The following MARCHF1 variants were observed in gnomAD, a reference collection of about 807,000 sequenced individuals.
MARCHF1 encodes the protein membrane associated ring-CH-type finger 1.
Under a neutral mutation model 54.2 loss-of-function variants are expected in MARCHF1, and 40 were observed. The observed-to-expected ratio is 0.74, with a 90% CI of 0.57 to 0.96. The LOEUF (loss-of-function observed/expected upper bound fraction) is 0.96. MARCHF1 is among the 40% of genes least tolerant of loss of function. MARCHF1 has a pLI of 0.00. For missense variants in MARCHF1, 586 were observed against 656.5 expected (o/e 0.89, Z 1.17); for synonymous variants, 236 against 236.3 (o/e 1.00, Z 0.01).
At chr4:163,778,638 G>A (rs897044374) in intron 4 of MARCHF1, among the ~76,000 whole-genome samples, 1 of 151,918 alleles carries the variant, frequency 6.6e-6, no homozygotes. Context: ...AGACAATGTG[G>A]TATATATAGA....
intron 4 of MARCHF1, among the ~76,000 whole-genome samples, chr4:163,765,950 T>C (rs13124266): frequency 6.7e-6 from 1 of 148,184 alleles, no homozygotes; most frequent in Non-Finnish European, 1.5e-5. Flanking sequence ...ATATATAATA[T>C]ATAGTGTTCA....
intron 5 of MARCHF1, among the ~76,000 whole-genome samples, chr4:163,618,607 G>A (rs1267578448): frequency 6.6e-6 from 1 of 152,088 alleles, no homozygotes; most frequent in African/African-American, 2.4e-5. Flanking sequence ...TGCTAAAATA[G>A]CATCAAAATT....
intron 8 of MARCHF1, among the ~76,000 whole-genome samples, chr4:163,552,988 G>A (rs907470023): frequency 3.4e-5 from 5 of 146,862 alleles, no homozygotes; most frequent in Admixed American, 7.2e-5. Flanking sequence ...AGCCGAGATC[G>A]CGCCACTGCC....
intron 1 of MARCHF1, among the ~76,000 whole-genome samples, chr4:164,257,458 G>A (rs1052685754): frequency 1.3e-5 from 2 of 149,796 alleles, no homozygotes; most frequent in Non-Finnish European, 3.0e-5. Flanking sequence ...TAAATCGTCA[G>A]TTTTGTTTCA....
chr4:164,326,661 A>C (rs1169393370), intron 1 of MARCHF1, among the ~76,000 whole-genome samples: 1 of 152,214 alleles, frequency 6.6e-6, no homozygotes, highest in East Asian at 1.9e-4. Flanking sequence ...GACAAATTCA[A>C]AGTGCTGTTT....
rs1438246621 is a variant in MARCHF1 at position 163,700,852 on chromosome 4, G to A, written c.123C>T (p.Ser41=). ...TTGATCGACTTGCAGATCGCCCTGGGGATTTTTCATTCTGAAAAATAAAAT... is the reference window on the plus strand; with the variant it reads ...TTGATCGACTTGCAGATCGCCCTGGAGATTTTTCATTCTGAAAAATAAAAT... ...ASQTSTLNEK[S]PGRSASRSSN... Residue 41 remains serine, a synonymous_variant, in exon 5 of 10, where the codon TCC becomes TCT. Transcript: ENST00000514618. 5 of 1,535,410 alleles carry A rather than the reference G, an allele frequency of 3.3e-6. No individual in the cohort carries two copies. The African/African-American group carries it at 5.5e-5, about 17-fold the overall frequency.
At chr4:164,063,341 T>C (rs528270124) in intron 2 of MARCHF1, among the ~76,000 whole-genome samples, 15 of 152,324 alleles carry the variant, frequency 9.8e-5, no homozygotes, top group Non-Finnish European at 1.9e-4. Flanking sequence ...TAAATATCTG[T>C]TGTTTAGTGT....
intron 2 of MARCHF1, among the ~76,000 whole-genome samples, chr4:164,017,265 T>C (rs1340624622): frequency 6.6e-6 from 1 of 152,070 alleles, no homozygotes; most frequent in Non-Finnish European, 1.5e-5. Flanking sequence ...ATTAGGAATG[T>C]TCAATCACAT....
At chr4:163,757,249 C>T (rs887505795) in intron 4 of MARCHF1, among the ~76,000 whole-genome samples, 5 of 152,180 alleles carry the variant, frequency 3.3e-5, no homozygotes, top group African/African-American at 9.7e-5. Flanking sequence ...ATGGTTGCTT[C>T]TCCCATGTCC....
At chr4:164,249,609 A>G (rs1317324715) in intron 1 of MARCHF1, among the ~76,000 whole-genome samples, 1 of 151,974 alleles carries the variant, frequency 6.6e-6, no homozygotes, top group Non-Finnish European at 1.5e-5. Flanking sequence ...TAGAGGAAGA[A>G]CACAACAGGA....
chr4:164,164,693 C>CTT (rs1246029354), intron 1 of MARCHF1, among the ~76,000 whole-genome samples: 1 of 151,954 alleles, frequency 6.6e-6, no homozygotes, highest in Non-Finnish European at 1.5e-5. Flanking sequence ...TTCAATGACT[C>CTT]TTTAATTTGG....
intron 3 of MARCHF1, among the ~76,000 whole-genome samples, chr4:163,893,887 A>T (rs1490798049): frequency 6.6e-6 from 1 of 152,144 alleles, no homozygotes; most frequent in Non-Finnish European, 1.5e-5. Context: ...TACATCAAAG[A>T]AGTGCTCACA....
chr4:163,611,747 C>T (rs1307246644), intron 7 of MARCHF1, among the ~76,000 whole-genome samples: 1 of 152,084 alleles, frequency 6.6e-6, no homozygotes, highest in Non-Finnish European at 1.5e-5. Context: ...CTTGCAACCC[C>T]ACTGATACGT....
intron 8 of MARCHF1, among the ~76,000 whole-genome samples, chr4:163,572,334 TA>T (rs769584658): frequency 2.7e-5 from 4 of 146,142 alleles, no homozygotes; most frequent in South Asian, 4.3e-4. Flanking sequence ...TTTTTTTTTT[TA>T]AATAAATTGA....
In MARCHF1 at chr4:163,948,722, T is replaced by A. The variant is rs143751936; in HGVS notation, c.-39+39779A>T. On this transcript the variant is annotated intron_variant, in intron 3 of 9. Transcript: ENST00000514618. ...AACCTAAGTAGAACACTTCAGTTAT[T>A]AGGTAAAATGGAGGAACTGTGGAAA... Among the ~76,000 whole-genome samples, 51 of 152,250 alleles carry A rather than the reference T, an allele frequency of 3.3e-4. 2 individuals are homozygous for A. The East Asian group carries it at 7.9e-3, about 24-fold the overall frequency.
At chr4:164,209,346 C>T (rs2111112655) in intron 1 of MARCHF1, among the ~76,000 whole-genome samples, 1 of 152,254 alleles carries the variant, frequency 6.6e-6, no homozygotes, top group African/African-American at 2.4e-5. Context: ...CTGTATCCAA[C>T]TTTGGGAGGA....
intron 3 of MARCHF1, among the ~76,000 whole-genome samples, chr4:163,893,929 C>T (rs1750719925): frequency 6.6e-6 from 1 of 152,134 alleles, no homozygotes; most frequent in Admixed American, 6.6e-5. Context: ...AGATAAGAAA[C>T]TGGTTACCTA....
At chr4:163,744,105 G>A (rs1746288137) in intron 4 of MARCHF1, among the ~76,000 whole-genome samples, 1 of 152,222 alleles carries the variant, frequency 6.6e-6, no homozygotes, top group Non-Finnish European at 1.5e-5. Context: ...AGGTGCTGGA[G>A]CAGTTTTCAA....
intron 8 of MARCHF1, chr4:163,556,119 CTAAT>C: frequency 2.7e-6 from 1 of 368,256 alleles, no homozygotes; most frequent in Non-Finnish European, 5.5e-6. Context: ...CGTTCAGGAG[CTAAT>C]TATTAAAGCA....
Sources: gnomAD v4.1 joint callset for allele counts (sites outside exome capture counted in the v4.1 genomes callset) on GRCh38, gnomAD v4.1.1 for gene constraint, MANE v1.5 for transcripts, NCBI Gene and HGNC (gene_info 2026-07-23, HGNC 2026-07-21) for gene names.